Variants in NEDD4L observed in about 807,000 individuals in gnomAD.
The protein encoded by NEDD4L is NEDD4 like E3 ubiquitin protein ligase.
NEDD4L carries 54 observed loss-of-function variants against 148.9 expected under a neutral mutation model. That is an observed-to-expected ratio of 0.36 (90% confidence interval 0.29 to 0.45). NEDD4L has a LOEUF of 0.45. Among genes scored for constraint, NEDD4L ranks in the 20% least tolerant of loss-of-function variants. The pLI, the probability that NEDD4L is intolerant of heterozygous loss-of-function variation, is 1.00. For synonymous variants in NEDD4L, 433 were observed against 440.7 expected (o/e 0.98, Z 0.22); for missense variants, 856 against 1,233.8 (o/e 0.69, Z 4.59).
intron 1 of NEDD4L, among the ~76,000 whole-genome samples, chr18:58,066,785 T>C (rs2082620522): frequency 6.6e-6 from 1 of 152,112 alleles, no homozygotes; most frequent in African/African-American, 2.4e-5. Context: ...AAGCATGTCT[T>C]ACATGGAAGA....
intron 25 of NEDD4L, 40 bp downstream of exon 25, chr18:58,383,359 T>A: frequency 9.1e-7 from 1 of 1,103,696 alleles, no homozygotes; most frequent in Non-Finnish European, 1.3e-6. Context: ...TTTGAATAAT[T>A]GAAATGCATG....
intron 2 of NEDD4L, among the ~76,000 whole-genome samples, chr18:58,242,580 A>C (rs1337389439): frequency 6.6e-6 from 1 of 152,090 alleles, no homozygotes; most frequent in East Asian, 1.9e-4. Flanking sequence ...GGTTCGCTGC[A>C]GCCTCCACCT....
At chr18:58,381,393 C>T (rs1209662738) in intron 24 of NEDD4L, among the ~76,000 whole-genome samples, 1 of 152,188 alleles carries the variant, frequency 6.6e-6, no homozygotes, top group Non-Finnish European at 1.5e-5. Flanking sequence ...CCCGCTCATT[C>T]AGTAGCTCTC....
At chr18:58,316,522 A>G (rs2058287283) in intron 6 of NEDD4L, among the ~76,000 whole-genome samples, 1 of 152,226 alleles carries the variant, frequency 6.6e-6, no homozygotes, top group African/African-American at 2.4e-5. Context: ...CATGGTGACA[A>G]AAGAAGAGCC....
intron 1 of NEDD4L, among the ~76,000 whole-genome samples, chr18:58,161,522 GA>G (rs2036218002): frequency 6.8e-6 from 1 of 148,030 alleles, no homozygotes; most frequent in East Asian, 2.0e-4. Flanking sequence ...TCAGTCCAAA[GA>G]AATGATTCAT....
chr18:58,065,873 G>T (rs139234075), intron 1 of NEDD4L, among the ~76,000 whole-genome samples: 1 of 152,274 alleles, frequency 6.6e-6, no homozygotes, highest in African/African-American at 2.4e-5. Context: ...CTGGGAACCC[G>T]GCTTCAAAGG....
Position 58,256,605 on chromosome 18 carries a change from C to G in NEDD4L, c.297+4551C>G. On this transcript the variant is annotated intron_variant, in intron 5 of 30. Coordinates refer to ENST00000400345, the MANE Select transcript of NEDD4L (RefSeq NM_001144967.3). The surrounding 1 kb of genome is among the most constrained non-coding windows in gnomAD (Gnocchi z 5.2). ...GCTCCTGAAATCCGCAGGACGAACT[C>G]CGCGGAGAGGACTCCGCAGGGCCAG... 1 of 1,232,266 alleles carries G rather than the reference C, an allele frequency of 8.1e-7. No homozygotes were observed. The highest frequency in any genetic ancestry group is 4.1e-5 in the South Asian group (1 of 24,322). The allele number at this position is 1,232,266 out of a possible 1,614,324, so 76.3% of individuals were successfully genotyped here. A position where few individuals can be genotyped will look rare whatever the true frequency, so the allele number is the denominator to read the frequency against.
chr18:58,375,476 C>T (rs2047443278), intron 24 of NEDD4L, among the ~76,000 whole-genome samples: 1 of 152,166 alleles, frequency 6.6e-6, no homozygotes, highest in African/African-American at 2.4e-5. Context: ...CATATGACCC[C>T]TCATAATCCA....
chr18:58,164,359 A>C (rs567505376), intron 1 of NEDD4L, among the ~76,000 whole-genome samples: 9 of 152,338 alleles, frequency 5.9e-5, no homozygotes, highest in African/African-American at 2.2e-4. Flanking sequence ...CACCAAAAGA[A>C]ATTAGAAAAA....
chr18:58,389,365 C>T (rs924938156), intron 28 of NEDD4L, 173 bp downstream of exon 28: 3 of 548,454 alleles, frequency 5.5e-6, no homozygotes, highest in Non-Finnish European at 9.8e-6. Context: ...CCCGTGGTGG[C>T]TCCTCTGTAA....
intron 18 of NEDD4L, among the ~76,000 whole-genome samples, chr18:58,352,786 C>G (rs140357348): frequency 2.2e-4 from 34 of 152,306 alleles, no homozygotes; most frequent in African/African-American, 7.9e-4. Context: ...TGGTCTGTGA[C>G]GCATGGAGAG....
intron 1 of NEDD4L, among the ~76,000 whole-genome samples, chr18:58,135,988 C>A (rs1225945453): frequency 6.6e-6 from 1 of 152,194 alleles, no homozygotes; most frequent in Non-Finnish European, 1.5e-5. Flanking sequence ...TGGCTAAATA[C>A]AGGTGGTTCT....
At chr18:58,342,075 C>G (rs533144557) in intron 15 of NEDD4L, among the ~76,000 whole-genome samples, 7 of 152,318 alleles carry the variant, frequency 4.6e-5, no homozygotes, top group African/African-American at 1.7e-4. Flanking sequence ...TTCCACCGTT[C>G]TTGTTGTGTT....
At chr18:58,049,793 G>T (rs777248959) in intron 1 of NEDD4L, among the ~76,000 whole-genome samples, 1 of 151,668 alleles carries the variant, frequency 6.6e-6, no homozygotes, top group African/African-American at 2.4e-5. Context: ...GCTGGGCAAC[G>T]TGGTGAAACC....
At chr18:58,255,480 C>T in intron 5 of NEDD4L, 1 of 1,229,174 alleles carries the variant, frequency 8.1e-7, no homozygotes, top group African/African-American at 1.6e-5. Context: ...CCGCTTGCCA[C>T]TTGGGTTATT....
chr18:58,234,158 T>G (rs2045693294), intron 2 of NEDD4L, among the ~76,000 whole-genome samples: 1 of 150,826 alleles, frequency 6.6e-6, no homozygotes, highest in South Asian at 2.1e-4. Flanking sequence ...TCTTTCTTTC[T>G]TCTTTTTCTC....
At chr18:58,102,553 C>A (rs1167879810) in intron 1 of NEDD4L, among the ~76,000 whole-genome samples, 1 of 152,164 alleles carries the variant, frequency 6.6e-6, no homozygotes, top group Non-Finnish European at 1.5e-5. Context: ...TTAACCCCCA[C>A]CCCCATCTGC....
intron 1 of NEDD4L, among the ~76,000 whole-genome samples, chr18:58,081,167 G>C (rs1271531781): frequency 6.7e-6 from 1 of 149,918 alleles, no homozygotes; most frequent in African/African-American, 2.5e-5. Flanking sequence ...CATGCATTCT[G>C]AGTTTTAGAC....
intron 5 of NEDD4L, among the ~76,000 whole-genome samples, chr18:58,295,871 A>G (rs1192181939): frequency 6.6e-6 from 1 of 151,842 alleles, no homozygotes; most frequent in East Asian, 1.9e-4. Context: ...GTACAGATTT[A>G]TTTTTGGGGG....
Sources: gnomAD v4.1 joint callset for allele counts (sites outside exome capture counted in the v4.1 genomes callset) on GRCh38, gnomAD v4.1.1 for gene constraint, Gnocchi (gnomAD v3.1) non-coding constraint, MANE v1.5 for transcripts, NCBI Gene and HGNC (gene_info 2026-07-23, HGNC 2026-07-21) for gene names.